The following RBFOX3 variants were observed in gnomAD, a reference collection of about 807,000 sequenced individuals.
RBFOX3 encodes the protein RNA binding fox-1 homolog 3, also known as RNA binding protein fox-1 homolog 3.
Under a neutral mutation model 48.7 loss-of-function variants are expected in RBFOX3, and 17 were observed. The ratio of observed to expected loss-of-function variants is 0.35; its 90% CI spans 0.24 to 0.52. RBFOX3 has a LOEUF of 0.52. RBFOX3 is among the 20% of genes least tolerant of loss of function. The probability of loss-of-function intolerance (pLI) is 0.94; values close to 1 mark genes in which losing one functional copy is unlikely to be tolerated. For missense variants in RBFOX3, 382 were observed against 497.5 expected (o/e 0.77, Z 2.21); for synonymous variants, 212 against 209.5 (o/e 1.01, Z -0.10).
chr17:79,276,746 G>A (rs1436937017), intron 3 of RBFOX3, among the ~76,000 whole-genome samples: 1 of 152,138 alleles, frequency 6.6e-6, no homozygotes, highest in African/African-American at 2.4e-5. Context: ...CAAGAAACTG[G>A]AGTGTTTCTT....
At chr17:79,389,085 C>T (rs541428215) in intron 2 of RBFOX3, among the ~76,000 whole-genome samples, 6 of 149,614 alleles carry the variant, frequency 4.0e-5, no homozygotes, top group East Asian at 1.9e-4. Context: ...GACGGAGGGA[C>T]GAAGCGGTGG....
chr17:79,579,865 GCTGTGGTGGGGGGTCACTGGCA>G lies in RBFOX3; in HGVS notation c.-320+30939_-320+30960del, dbSNP rs1599207919. ...GTGCTGTGGTGGGGGGGTCACTGGC[GCTGTGGTGGGGGGTCACTGGCA>G]CTGTGGTGGGGGGTCACTGGTGCTG... On this transcript the variant is annotated intron_variant, in intron 1 of 14. Coordinates refer to ENST00000693108, the MANE Select transcript of RBFOX3 (RefSeq NM_001350451.2). 5.4e-3 allele frequency among the ~76,000 whole-genome samples: 555 copies of G among 103,556 alleles called. 16 individuals carry two copies. The highest frequency in any genetic ancestry group is 0.02 in the African/African-American group (513 of 25,746). The allele number at this position is 103,556 out of a possible 152,430, so 67.9% of individuals were successfully genotyped here. A position where few individuals can be genotyped will look rare whatever the true frequency, so the allele number is the denominator to read the frequency against.
chr17:79,592,188 G>A (rs925474493), intron 1 of RBFOX3, among the ~76,000 whole-genome samples: 168 of 149,462 alleles, frequency 1.1e-3, no homozygotes, highest in African/African-American at 3.5e-3. Context: ...GAGTACTGTC[G>A]TCGTATGTGC....
intron 4 of RBFOX3, chr17:79,136,160 A>G (rs1379242138): frequency 6.6e-6 from 1 of 152,062 alleles, no homozygotes; most frequent in Non-Finnish European, 1.5e-5. Context: ...GCCCTGGAGA[A>G]TCTGTTGTGT....
At chr17:79,485,690 C>T (rs1444384233) in intron 1 of RBFOX3, among the ~76,000 whole-genome samples, 2 of 152,232 alleles carry the variant, frequency 1.3e-5, no homozygotes, top group African/African-American at 4.8e-5. Context: ...CTGTCTGCAG[C>T]CGCCGGCTTA....
At chr17:79,121,953 C>T (rs943275306) in intron 4 of RBFOX3, among the ~76,000 whole-genome samples, 1 of 152,152 alleles carries the variant, frequency 6.6e-6, no homozygotes, top group African/African-American at 2.4e-5. Flanking sequence ...ACATCTGATA[C>T]ACTTTGGGGG....
At chr17:79,274,008 T>A (rs1220944587) in intron 3 of RBFOX3, among the ~76,000 whole-genome samples, 1 of 152,190 alleles carries the variant, frequency 6.6e-6, no homozygotes, top group Non-Finnish European at 1.5e-5. Context: ...AGCGCCACCC[T>A]GGCCTTGTGG....
chr17:79,616,461 G>A, the RBFOX3 span, among the ~76,000 whole-genome samples: 14 of 151,804 alleles, frequency 9.2e-5, no homozygotes, highest in South Asian at 8.3e-4. Flanking sequence ...ACTTGAACCC[G>A]GGAGGTGGAG....
intron 2 of RBFOX3, among the ~76,000 whole-genome samples, chr17:79,454,483 C>T (rs546751402): frequency 1.3e-5 from 2 of 152,094 alleles, no homozygotes; most frequent in South Asian, 4.2e-4. Flanking sequence ...GCCGCTCCCC[C>T]ACCTTGCCCA....
At chr17:79,608,820 G>C (rs1289169216) in intron 1 of RBFOX3, among the ~76,000 whole-genome samples, 9 of 152,314 alleles carry the variant, frequency 5.9e-5, no homozygotes, top group Non-Finnish European at 1.2e-4. Flanking sequence ...TCCTGGGGGA[G>C]GGGCGGGGGG....
intron 4 of RBFOX3, among the ~76,000 whole-genome samples, chr17:79,138,587 G>A (rs1390723005): frequency 6.7e-6 from 1 of 148,564 alleles, no homozygotes; most frequent in Non-Finnish European, 1.5e-5. Context: ...CACCTGTATG[G>A]TGATGCAACC....
chr17:79,542,403 C>T (rs1360781274), intron 1 of RBFOX3, among the ~76,000 whole-genome samples: 1 of 152,182 alleles, frequency 6.6e-6, no homozygotes, highest in Non-Finnish European at 1.5e-5. Context: ...ATGAGGAAAT[C>T]AGGAAGAGAT....
At chr17:79,630,017 T>C in the RBFOX3 span, among the ~76,000 whole-genome samples, 1 of 152,236 alleles carries the variant, frequency 6.6e-6, no homozygotes, top group African/African-American at 2.4e-5. Context: ...TTTATGATTA[T>C]ATTCTAAATT....
Position 79,505,448 on chromosome 17 carries a change from T to G in RBFOX3, c.-319-22850A>C, listed in dbSNP as rs1219953050. On this transcript the variant is annotated intron_variant, in intron 1 of 14. Transcript: ENST00000693108. ...TTGCCTTCAGGGTCCCCAGTGGGAT[T>G]CAGCTTCACTTGCCCGCAGCAGACC... Among the ~76,000 whole-genome samples the G allele has an allele frequency of 2.0e-5, 3 of 152,246 alleles. No homozygotes were observed. In the East Asian group the frequency reaches 5.8e-4, roughly 29 times the overall value.
chr17:79,237,073 C>G (rs1042468501), intron 3 of RBFOX3, among the ~76,000 whole-genome samples: 13 of 152,304 alleles, frequency 8.5e-5, no homozygotes, highest in African/African-American at 3.1e-4. Flanking sequence ...GATGCCTGAA[C>G]CTTTTCGTTG....
intron 2 of RBFOX3, among the ~76,000 whole-genome samples, chr17:79,379,789 T>G (rs35496088): frequency 0.24 from 37,154 of 151,872 alleles, 4,612 homozygotes; most frequent in Middle Eastern, 0.31. Context: ...GGGTGTTTCA[T>G]GATTTCAGGC....
chr17:79,357,609 C>T lies in RBFOX3; in HGVS notation c.-174-49785G>A, dbSNP rs570331829. Among the ~76,000 whole-genome samples the T allele has an allele frequency of 4.6e-5, 7 of 151,586 alleles. No individual in the cohort carries two copies. The East Asian group carries it at 1.4e-3, about 29-fold the overall frequency. On this transcript the variant is annotated intron_variant, in intron 2 of 14. Transcript: ENST00000693108. Reference sequence around the variant, plus strand: ...TTGCACCACTGCACTCCAGCCTGGGCGACAGAGCAAAACTCTGTCTCAAAA... The same window carrying T: ...TTGCACCACTGCACTCCAGCCTGGGTGACAGAGCAAAACTCTGTCTCAAAA...
chr17:79,497,879 C>T (rs1402372259), intron 1 of RBFOX3, among the ~76,000 whole-genome samples: 1 of 152,210 alleles, frequency 6.6e-6, no homozygotes, highest in Non-Finnish European at 1.5e-5. Flanking sequence ...AGAGAGGCTA[C>T]TGCAGGACTC....
intron 14 of RBFOX3, among the ~76,000 whole-genome samples, chr17:79,093,564 A>T (rs942950067): frequency 6.8e-6 from 1 of 147,032 alleles, no homozygotes; most frequent in Non-Finnish European, 1.5e-5. Flanking sequence ...AAAAAAAAAA[A>T]TTGGAGGGAG....
Sources: allele counts gnomAD v4.1 joint callset (sites outside exome capture counted in the v4.1 genomes callset), GRCh38; gene constraint gnomAD v4.1.1; transcripts MANE v1.5; gene names NCBI Gene and HGNC (gene_info 2026-07-23, HGNC 2026-07-21).